The following RPTOR variants were observed in gnomAD, a reference collection of about 807,000 sequenced individuals.
RPTOR encodes regulatory associated protein of MTOR complex 1.
A neutral mutation model predicts 169.9 loss-of-function variants in RPTOR; 21 were observed. The observed-to-expected ratio is 0.12, with a 90% CI of 0.09 to 0.18. The LOEUF (loss-of-function observed/expected upper bound fraction) is 0.18, where lower values mean the gene tolerates loss of function less well. Among genes scored for constraint, RPTOR ranks in the 10% least tolerant of loss-of-function variants. The pLI, the probability that RPTOR is intolerant of heterozygous loss-of-function variation, is 1.00. For synonymous variants in RPTOR, 732 were observed against 753.2 expected, an observed-to-expected ratio of 0.97 and a Z score of 0.46; for missense variants, 1,133 against 1,855.9, an observed-to-expected ratio of 0.61 and a Z score of 7.16.
chr17:80,679,934 C>T (rs57020424), intron 3 of RPTOR, among the ~76,000 whole-genome samples: 2 of 111,906 alleles, frequency 1.8e-5, no homozygotes, highest in Admixed American at 8.1e-5. Flanking sequence ...CCCAGAGAGG[C>T]GGAGGGAGCC....
chr17:80,727,232 C>T (rs1001360591), intron 4 of RPTOR, among the ~76,000 whole-genome samples: 8 of 148,632 alleles, frequency 5.4e-5, no homozygotes, highest in Admixed American at 3.4e-4. Context: ...ACATCATGCT[C>T]CGAGAACGTG....
intron 5 of RPTOR, among the ~76,000 whole-genome samples, chr17:80,747,557 C>G (rs1364244502): frequency 6.6e-6 from 1 of 152,240 alleles, no homozygotes; most frequent in Non-Finnish European, 1.5e-5. Flanking sequence ...TCTACATCTA[C>G]CTGTCCGACT....
At chr17:80,694,514 G>A (rs778844714) in intron 3 of RPTOR, among the ~76,000 whole-genome samples, 4 of 152,180 alleles carry the variant, frequency 2.6e-5, no homozygotes, top group Non-Finnish European at 4.4e-5. Context: ...CTCCTTTCCC[G>A]TGAATGTGTT....
At chr17:80,824,172 T>C (rs1381607683) in intron 9 of RPTOR, among the ~76,000 whole-genome samples, 1 of 152,184 alleles carries the variant, frequency 6.6e-6, no homozygotes, top group African/African-American at 2.4e-5. Context: ...TTATAATAAA[T>C]ATTTATATGC....
intron 1 of RPTOR, among the ~76,000 whole-genome samples, chr17:80,588,315 A>T (rs2143398720): frequency 6.6e-6 from 1 of 152,046 alleles, no homozygotes; most frequent in South Asian, 2.1e-4. Flanking sequence ...GGTGTTCACC[A>T]CCACGCCTGG....
chr17:80,546,388 C>T (rs2084275053), intron 1 of RPTOR, among the ~76,000 whole-genome samples: 1 of 152,110 alleles, frequency 6.6e-6, no homozygotes, highest in Non-Finnish European at 1.5e-5. Flanking sequence ...TTTCTTTAAT[C>T]GTGAGTTAGG....
At chr17:80,768,457 G>C (rs1656801101) in intron 6 of RPTOR, among the ~76,000 whole-genome samples, 2 of 152,296 alleles carry the variant, frequency 1.3e-5, no homozygotes, top group Admixed American at 1.3e-4. Flanking sequence ...AATTAAGACT[G>C]TGCAGTTCAG....
rs367679301 is a variant in RPTOR, at chr17:80,822,752, TTGTG to T, written c.992-319_992-316del. Among the ~76,000 whole-genome samples the T allele has an allele frequency of 7.8e-3, 1,188 of 151,648 alleles. 15 individuals are homozygous for T. The highest frequency in any genetic ancestry group is 0.027 in the African/African-American group (1,109 of 41,210). ...TGCATACACGTGTGTATATGCATATTTGTGTGTGTGTATTTGTGTATGTGTACAC... is the reference window on the plus strand; with the variant it reads ...TGCATACACGTGTGTATATGCATATTTGTGTGTATTTGTGTATGTGTACAC... On this transcript the variant is annotated intron_variant, in intron 8 of 33. Coordinates refer to ENST00000306801, the MANE Select transcript of RPTOR (RefSeq NM_020761.3).
chr17:80,780,989 C>T (rs2066936765), intron 6 of RPTOR, among the ~76,000 whole-genome samples: 1 of 152,184 alleles, frequency 6.6e-6, no homozygotes, highest in Non-Finnish European at 1.5e-5. Context: ...CCACTGTGGT[C>T]TTTGGGTGCA....
At chr17:80,766,054 G>T (rs1425720378) in intron 6 of RPTOR, among the ~76,000 whole-genome samples, 1 of 152,150 alleles carries the variant, frequency 6.6e-6, no homozygotes, top group African/African-American at 2.4e-5. Flanking sequence ...ATTCTAGCAT[G>T]TACTTTTTAA....
chr17:80,545,482 G>T lies in RPTOR; in HGVS notation c.-148G>T, dbSNP rs2084262949. 31 of 609,288 alleles carry T rather than the reference G, an allele frequency of 5.1e-5. No individual in the cohort carries two copies. In the South Asian group the frequency reaches 6.7e-4, roughly 13 times the overall value. The allele number at this position is 609,288 out of a possible 1,614,324, so 37.7% of individuals were successfully genotyped here. On this transcript the variant is annotated 5_prime_UTR_variant, in exon 1 of 34. Transcript: ENST00000306801. ...AGATAAGGATCTCAGACTTTTGCCT[G>T]AGTAAGGGTCTCCGCACTCTTTATC...
intron 1 of RPTOR, among the ~76,000 whole-genome samples, chr17:80,592,687 A>G (rs1427287023): frequency 6.6e-6 from 1 of 152,214 alleles, no homozygotes; most frequent in Non-Finnish European, 1.5e-5. Context: ...GCCTAGAAAC[A>G]TTTAAGTATT....
intron 7 of RPTOR, among the ~76,000 whole-genome samples, chr17:80,797,154 A>T (rs1216371406): frequency 6.6e-6 from 1 of 152,124 alleles, no homozygotes; most frequent in African/African-American, 2.4e-5. Context: ...GTTTTTCCAG[A>T]CAGGGATTCG....
In RPTOR at chr17:80,806,585, C is replaced by A. The variant is rs1351587456; in HGVS notation, c.890+15076C>A. Among the ~76,000 whole-genome samples, 2 of 152,134 alleles carry A rather than the reference C, an allele frequency of 1.3e-5. 1 individual carries two copies. The highest frequency in any genetic ancestry group is 2.9e-5 in the Non-Finnish European group (2 of 68,030). On this transcript the variant is annotated intron_variant, in intron 7 of 33. Coordinates refer to ENST00000306801, the MANE Select transcript of RPTOR (RefSeq NM_020761.3). Reference sequence around the variant, plus strand: ...AAGCTTCTTATTTAAATGATCTCTACTCTTATGTTAATTGGGGACCTAGAC... The same window carrying A: ...AAGCTTCTTATTTAAATGATCTCTAATCTTATGTTAATTGGGGACCTAGAC...
At chr17:80,794,209 A>AT (rs2067078212) in intron 7 of RPTOR, among the ~76,000 whole-genome samples, 1 of 152,238 alleles carries the variant, frequency 6.6e-6, no homozygotes, top group Non-Finnish European at 1.5e-5. Context: ...GAACACATGT[A>AT]TCCAGAATGT....
intron 1 of RPTOR, among the ~76,000 whole-genome samples, chr17:80,619,040 A>T (rs1350105504): frequency 6.6e-6 from 1 of 152,098 alleles, no homozygotes; most frequent in South Asian, 2.1e-4. Context: ...GACTCTCTTT[A>T]TAAATTATGC....
intron 13 of RPTOR, among the ~76,000 whole-genome samples, chr17:80,868,541 G>T (rs1419166801): frequency 6.6e-6 from 1 of 152,196 alleles, no homozygotes; most frequent in African/African-American, 2.4e-5. Flanking sequence ...TGCAAAGTGT[G>T]CACTACCACT....
At chr17:80,634,704 CTGTGTGTGTGCGTACTGTG>C (rs1567831443) in intron 2 of RPTOR, among the ~76,000 whole-genome samples, 588 of 64,880 alleles carry the variant, frequency 9.1e-3, no homozygotes, top group Non-Finnish European at 0.013. Context: ...CGTGTGCGTA[CTGTGTGTGTGCGTACTGTG>C]TGTGTGCGTA....
intron 1 of RPTOR, among the ~76,000 whole-genome samples, chr17:80,565,533 G>T (rs114669859): frequency 1.6e-5 from 2 of 121,588 alleles, no homozygotes; most frequent in African/African-American, 5.8e-5. Flanking sequence ...TGAAGCAAGC[G>T]GCACTGCTGA....
Sources: gnomAD v4.1 joint callset for allele counts (sites outside exome capture counted in the v4.1 genomes callset) on GRCh38, gnomAD v4.1.1 for gene constraint, MANE v1.5 for transcripts, NCBI Gene and HGNC (gene_info 2026-07-23, HGNC 2026-07-21) for gene names.